The following CPA6 variants were observed in gnomAD, a reference collection of about 807,000 sequenced individuals.
CPA6 encodes the protein carboxypeptidase A6.
CPA6 carries 58 observed loss-of-function variants against 63.3 expected under a neutral mutation model. The ratio of observed to expected loss-of-function variants is 0.92; its 90% CI spans 0.74 to 1.14. The LOEUF (loss-of-function observed/expected upper bound fraction) is 1.14, where lower values mean the gene tolerates loss of function less well. CPA6 is among the 50% of genes most tolerant of loss of function. The pLI, the probability that CPA6 is intolerant of heterozygous loss-of-function variation, is 0.00. For missense variants in CPA6, 565 were observed against 526.6 expected (o/e 1.07, Z -0.71); for synonymous variants, 185 against 179.0 (o/e 1.03, Z -0.27).
chr8:67,745,942 G>T, intron 1 of CPA6, 72 bp downstream of exon 1: 2 of 1,061,314 alleles, frequency 1.9e-6, no homozygotes, highest in Non-Finnish European at 2.8e-6. Context: ...AAAAAGTGAG[G>T]CACACTCTGG....
At chr8:67,569,756 C>A (rs548055663) in intron 2 of CPA6, 117 of 187,058 alleles carry the variant, frequency 6.3e-4, no homozygotes, top group Non-Finnish European at 9.3e-4. Flanking sequence ...TCTGTAAGAT[C>A]CCAGCTTCAA....
At chr8:67,653,952 G>A (rs1283728911) in intron 1 of CPA6, among the ~76,000 whole-genome samples, 3 of 151,158 alleles carry the variant, frequency 2.0e-5, no homozygotes, top group Non-Finnish European at 3.0e-5. Context: ...TTAGCATGAA[G>A]CGTTGTTGAA....
At chr8:67,537,581 C>CT (rs1199872158) in intron 2 of CPA6, among the ~76,000 whole-genome samples, 1 of 152,052 alleles carries the variant, frequency 6.6e-6, no homozygotes, top group Non-Finnish European at 1.5e-5. Flanking sequence ...TGATTCTTCT[C>CT]TTTTTTCTTA....
rs557764286 is a variant in CPA6, at chr8:67,723,278, G to A, written c.116+22736C>T. Among the ~76,000 whole-genome samples the A allele has an allele frequency of 2.6e-5, 4 of 152,150 alleles. No individual in the cohort carries two copies. The South Asian group carries it at 8.3e-4, about 32-fold the overall frequency. ...ATTTCAGACAGGTATTTTCTAATAG[G>A]ATTTATCAAAAGGGTGTGAGGATCT... is the stretch of plus-strand genomic sequence containing the variant. On this transcript the variant is annotated intron_variant, in intron 1 of 10. Coordinates refer to ENST00000297770, the MANE Select transcript of CPA6 (RefSeq NM_020361.5).
intron 6 of CPA6, among the ~76,000 whole-genome samples, chr8:67,490,829 C>T (rs1811587945): frequency 2.7e-5 from 4 of 150,466 alleles, no homozygotes; most frequent in Admixed American, 6.7e-5. Context: ...CTTTTCAATG[C>T]TTTCGGATTT....
chr8:67,728,077 C>CA (rs35844429), intron 1 of CPA6, among the ~76,000 whole-genome samples: 3,340 of 89,490 alleles, frequency 0.037, 53 homozygotes, highest in Middle Eastern at 0.15. Flanking sequence ...GACTCTGTCT[C>CA]AAAAAAAAAA....
intron 1 of CPA6, among the ~76,000 whole-genome samples, chr8:67,724,613 C>A (rs948273835): frequency 2.0e-5 from 3 of 152,224 alleles, no homozygotes; most frequent in Non-Finnish European, 4.4e-5. Flanking sequence ...TACTTGCATA[C>A]CACACACATA....
chr8:67,703,916 T>C (rs1026944265), intron 1 of CPA6, among the ~76,000 whole-genome samples: 2 of 151,342 alleles, frequency 1.3e-5, no homozygotes, highest in Non-Finnish European at 2.9e-5. Context: ...GGACCCCACT[T>C]ACATGCTGCT....
rs533187089 is a variant in CPA6, at chr8:67,478,982, C to G, written c.838+4786G>C. 2.2e-3 allele frequency among the ~76,000 whole-genome samples: 340 copies of G among 152,292 alleles called. 1 individual carries two copies. Among genetic ancestry groups the G allele is most frequent in the African/African-American group, 7.5e-3 (313 of 41,566 alleles). ...TTTGCAGTAAATTGAGATCACGTCA[C>G]TGCACTCTAGCCTGGGCGACAGAGC... is the stretch of plus-strand genomic sequence containing the variant. On this transcript the variant is annotated intron_variant, in intron 8 of 10. Coordinates refer to ENST00000297770, the MANE Select transcript of CPA6 (RefSeq NM_020361.5).
At chr8:67,685,487 C>T (rs1028203169) in intron 1 of CPA6, among the ~76,000 whole-genome samples, 7 of 152,110 alleles carry the variant, frequency 4.6e-5, no homozygotes, top group African/African-American at 1.2e-4. Flanking sequence ...GGCATGGTGG[C>T]GGGCGCCTGT....
intron 1 of CPA6, among the ~76,000 whole-genome samples, chr8:67,649,310 A>G (rs1408354486): frequency 6.6e-6 from 1 of 152,222 alleles, no homozygotes; most frequent in Non-Finnish European, 1.5e-5. Context: ...CCAAATTATC[A>G]GTGACAACTG....
chr8:67,527,589 C>CT (rs1274239334), intron 2 of CPA6, among the ~76,000 whole-genome samples: 4 of 152,252 alleles, frequency 2.6e-5, no homozygotes, highest in Admixed American at 2.0e-4. Context: ...ACTTAATGTG[C>CT]TTTTTTGAGT....
intron 1 of CPA6, among the ~76,000 whole-genome samples, chr8:67,671,719 G>C (rs1355630978): frequency 1.3e-5 from 2 of 152,176 alleles, no homozygotes; most frequent in East Asian, 1.9e-4. Context: ...CTTTGTGCAG[G>C]CTAGGATGTT....
chr8:67,475,319 G>C (rs1018352359), intron 8 of CPA6, among the ~76,000 whole-genome samples: 1 of 152,202 alleles, frequency 6.6e-6, no homozygotes, highest in African/African-American at 2.4e-5. Context: ...AGTCAGGCCA[G>C]CACTAATTCT....
At chr8:67,616,469 C>A (rs1814949949) in intron 2 of CPA6, among the ~76,000 whole-genome samples, 1 of 150,196 alleles carries the variant, frequency 6.7e-6, no homozygotes, top group Non-Finnish European at 1.5e-5. Context: ...AGGTAACTGT[C>A]ATCCTCCATC....
chr8:67,576,339 AC>A (rs1309634537), intron 2 of CPA6, among the ~76,000 whole-genome samples: 7 of 152,214 alleles, frequency 4.6e-5, no homozygotes, highest in African/African-American at 9.6e-5. Context: ...ATTAAAAAAA[AC>A]ATTTTATCTG....
At chr8:67,644,320 A>G (rs1036424973) in intron 1 of CPA6, among the ~76,000 whole-genome samples, 11 of 152,042 alleles carry the variant, frequency 7.2e-5, no homozygotes, top group African/African-American at 2.4e-4. Flanking sequence ...GCGTTTCACC[A>G]TGTTAGCCAG....
intron 2 of CPA6, among the ~76,000 whole-genome samples, chr8:67,608,814 G>T (rs1814732704): frequency 6.6e-6 from 1 of 152,180 alleles, no homozygotes; most frequent in Non-Finnish European, 1.5e-5. Flanking sequence ...CACCCCCTTT[G>T]TGAGGAGTCC....
chr8:67,716,968 A>T (rs984753782), intron 1 of CPA6, among the ~76,000 whole-genome samples: 1 of 152,182 alleles, frequency 6.6e-6, no homozygotes, highest in African/African-American at 2.4e-5. Flanking sequence ...GAAATGAGGG[A>T]GGAGTATGTT....
Sources: gnomAD v4.1 joint callset for allele counts (sites outside exome capture counted in the v4.1 genomes callset) on GRCh38, gnomAD v4.1.1 for gene constraint, MANE v1.5 for transcripts, NCBI Gene and HGNC (gene_info 2026-07-23, HGNC 2026-07-21) for gene names.